PCDH9: variants seen among roughly 807,000 people sequenced by gnomAD.
PCDH9 encodes protocadherin-9.
A neutral mutation model predicts 70.6 loss-of-function variants in PCDH9; 24 were observed. That is an observed-to-expected ratio of 0.34 (90% CI 0.25 to 0.48). The LOEUF (loss-of-function observed/expected upper bound fraction) is 0.48. PCDH9 is among the 20% of genes least tolerant of loss of function. The pLI, the probability that PCDH9 is intolerant of heterozygous loss-of-function variation, is 0.99. For missense variants in PCDH9, 1,281 were observed against 1,503.6 expected (o/e 0.85, Z 2.45); for synonymous variants, 562 against 558.5 (o/e 1.01, Z -0.09).
chr13:66,941,783 A>G (rs2083010383), intron 2 of PCDH9, among the ~76,000 whole-genome samples: 1 of 151,944 alleles, frequency 6.6e-6, no homozygotes, highest in Non-Finnish European at 1.5e-5. Flanking sequence ...CAGAAAATAA[A>G]TAGGTATGGA....
chr13:66,985,198 T>G (rs942737007), intron 2 of PCDH9, among the ~76,000 whole-genome samples: 2 of 152,108 alleles, frequency 1.3e-5, no homozygotes, highest in African/African-American at 4.8e-5. Flanking sequence ...TCTTTTATGC[T>G]CAACCTTGAC....
At chr13:66,308,440 GTCTT>G (rs1355697830) in intron 4 of PCDH9, among the ~76,000 whole-genome samples, 1 of 152,018 alleles carries the variant, frequency 6.6e-6, no homozygotes, top group Admixed American at 6.6e-5. Context: ...TCATAAGTAA[GTCTT>G]TCAGATAACT....
chr13:66,950,588 T>C (rs77922340), intron 2 of PCDH9, among the ~76,000 whole-genome samples: 2,152 of 152,158 alleles, frequency 0.014, 42 homozygotes, highest in African/African-American at 0.05. Flanking sequence ...CCATTGCATA[T>C]ATTTGGTAAG....
At chr13:66,811,030 TTA>T (rs1241716208) in intron 3 of PCDH9, among the ~76,000 whole-genome samples, 3 of 152,112 alleles carry the variant, frequency 2.0e-5, no homozygotes, top group Non-Finnish European at 4.4e-5. Flanking sequence ...GATTGAAAAT[TTA>T]TTGTAGTTTC....
chr13:66,534,371 C>A (rs932440259), intron 4 of PCDH9, among the ~76,000 whole-genome samples: 1 of 152,108 alleles, frequency 6.6e-6, no homozygotes, highest in African/African-American at 2.4e-5. Flanking sequence ...GGCTGAAAGT[C>A]TGAGATCAAG....
chr13:66,544,119 C>A (rs1049595426), intron 4 of PCDH9, among the ~76,000 whole-genome samples: 4 of 152,138 alleles, frequency 2.6e-5, no homozygotes, highest in African/African-American at 7.2e-5. Context: ...ATATACAGGA[C>A]CTTTGATGCC....
chr13:67,037,292 G>A (rs2085029057), intron 2 of PCDH9, among the ~76,000 whole-genome samples: 1 of 152,082 alleles, frequency 6.6e-6, no homozygotes, highest in African/African-American at 2.4e-5. Context: ...TTACTCGCTC[G>A]ACTTGCAACG....
intron 2 of PCDH9, among the ~76,000 whole-genome samples, chr13:66,952,634 T>C (rs969686077): frequency 5.3e-5 from 8 of 152,166 alleles, no homozygotes; most frequent in African/African-American, 1.9e-4. Flanking sequence ...CATTACATCT[T>C]GGCTACCCAT....
At chr13:66,503,543 GA>G (rs1959188287) in intron 4 of PCDH9, among the ~76,000 whole-genome samples, 1 of 151,984 alleles carries the variant, frequency 6.6e-6, no homozygotes, top group South Asian at 2.1e-4. Flanking sequence ...TTTTGTAAAA[GA>G]GAGCATGAAA....
chr13:66,481,875 C>G (rs1800643035), intron 4 of PCDH9, among the ~76,000 whole-genome samples: 1 of 151,850 alleles, frequency 6.6e-6, no homozygotes, highest in Admixed American at 6.6e-5. Context: ...ATATCCAAAA[C>G]AAAATCATTA....
chr13:67,113,476 C>G (rs567937884), intron 2 of PCDH9, among the ~76,000 whole-genome samples: 11 of 152,116 alleles, frequency 7.2e-5, no homozygotes, highest in African/African-American at 2.4e-4. Context: ...CTGTTCCTCT[C>G]GTCATTAATA....
At chr13:66,896,158 T>G (rs2082175114) in intron 3 of PCDH9, among the ~76,000 whole-genome samples, 1 of 152,150 alleles carries the variant, frequency 6.6e-6, no homozygotes, top group South Asian at 2.1e-4. Flanking sequence ...TAATAAAAAG[T>G]TAAAGAAGGT....
chr13:66,934,207 C>T (rs1342521231), intron 2 of PCDH9, among the ~76,000 whole-genome samples: 1 of 152,018 alleles, frequency 6.6e-6, no homozygotes, highest in African/African-American at 2.4e-5. Context: ...ATTATTCAAA[C>T]ATCTTCACCA....
chr13:66,763,884 C>T (rs968245715), intron 3 of PCDH9, among the ~76,000 whole-genome samples: 17 of 151,888 alleles, frequency 1.1e-4, no homozygotes, highest in African/African-American at 3.6e-4. Context: ...CTGCAACCTC[C>T]GCCTCCTGGA....
At chr13:66,594,935 T>C (rs1021445824) in intron 4 of PCDH9, among the ~76,000 whole-genome samples, 3 of 151,160 alleles carry the variant, frequency 2.0e-5, no homozygotes, top group African/African-American at 7.3e-5. Flanking sequence ...AGAGGCTTAA[T>C]GTTGAAAGTA....
chr13:66,849,419 T>C (rs1479228722), intron 3 of PCDH9, among the ~76,000 whole-genome samples: 3 of 149,994 alleles, frequency 2.0e-5, no homozygotes, highest in Admixed American at 2.0e-4. Context: ...ACCATATATA[T>C]ATGAAAATAT....
At chr13:67,064,552 T>G (rs1345784870) in intron 2 of PCDH9, among the ~76,000 whole-genome samples, 1 of 152,166 alleles carries the variant, frequency 6.6e-6, no homozygotes, top group Non-Finnish European at 1.5e-5. Flanking sequence ...TTCATCATAA[T>G]GTACTAAATT....
intron 2 of PCDH9, among the ~76,000 whole-genome samples, chr13:67,141,168 A>C (rs1478042611): frequency 1.3e-5 from 2 of 152,238 alleles, no homozygotes; most frequent in African/African-American, 4.8e-5. Flanking sequence ...GCCTTACGAT[A>C]GACAAAAATA....
At chr13:66,938,392 C>CT (rs2082952678) in intron 2 of PCDH9, among the ~76,000 whole-genome samples, 1 of 152,156 alleles carries the variant, frequency 6.6e-6, no homozygotes, top group African/African-American at 2.4e-5. Flanking sequence ...ATGCAATACT[C>CT]TATTAATTTA....
Sources: allele counts gnomAD v4.1 joint callset (sites outside exome capture counted in the v4.1 genomes callset), GRCh38; gene constraint gnomAD v4.1.1; transcripts MANE v1.5; gene names NCBI Gene and HGNC (gene_info 2026-07-23, HGNC 2026-07-21).